FOXP2: variants seen among roughly 807,000 people sequenced by gnomAD.
The protein encoded by FOXP2 is forkhead box protein P2.
Under a neutral mutation model 115.8 loss-of-function variants are expected in FOXP2, and 12 were observed. That is an observed-to-expected ratio of 0.10 (90% confidence interval 0.07 to 0.17). The LOEUF is 0.17. FOXP2 is among the 10% of genes least tolerant of loss of function. The pLI, the probability that FOXP2 is intolerant of heterozygous loss-of-function variation, is 1.00. For synonymous variants in FOXP2, 328 were observed against 297.7 expected (o/e 1.10, Z -1.05); for missense variants, 629 against 843.5 (o/e 0.75, Z 3.15).
chr7:114,198,064 A>G (rs1313530617), intron 1 of FOXP2, among the ~76,000 whole-genome samples: 3 of 151,914 alleles, frequency 2.0e-5, no homozygotes, highest in African/African-American at 7.3e-5. Flanking sequence ...GGGGTTCTCC[A>G]TGTTACCTAG....
Position 114,593,867 on chromosome 7 carries a change from C to T in FOXP2, c.259-34673C>T, listed in dbSNP as rs140876038. ...ATATATGATGCTAAAAATGTATAGA[C>T]GCTAAATAAATATTTATTAGTTGAT... On this transcript the variant is annotated intron_variant, in intron 3 of 16. Transcript: ENST00000350908. Among the ~76,000 whole-genome samples the T allele has an allele frequency of 6.7e-3, 1,021 of 151,890 alleles. 9 individuals are homozygous for T. The highest frequency in any genetic ancestry group is 0.024 in the Middle Eastern group (7 of 294).
chr7:114,318,358 C>T (rs1400750659), intron 2 of FOXP2, among the ~76,000 whole-genome samples: 3 of 142,224 alleles, frequency 2.1e-5, no homozygotes, highest in African/African-American at 7.7e-5. Context: ...ATGTTTTCTA[C>T]TTAGCATGAT....
chr7:114,636,302 A>G (rs1805213941), intron 6 of FOXP2, among the ~76,000 whole-genome samples: 1 of 152,172 alleles, frequency 6.6e-6, no homozygotes, highest in Non-Finnish European at 1.5e-5. Flanking sequence ...CCATGTATGT[A>G]TACCAGTTTT....
intron 8 of FOXP2, among the ~76,000 whole-genome samples, chr7:114,648,264 A>C (rs1806032386): frequency 6.6e-6 from 1 of 152,070 alleles, no homozygotes; most frequent in South Asian, 2.1e-4. Context: ...TTTTGGTGAC[A>C]GTGCCCCCCC....
intron 2 of FOXP2, among the ~76,000 whole-genome samples, chr7:114,442,260 G>T (rs181887665): frequency 2.6e-4 from 39 of 152,050 alleles, no homozygotes; most frequent in Non-Finnish European, 2.6e-4. Context: ...GAAGCTTTCA[G>T]AAAAGGCAAA....
chr7:114,435,836 GC>G (rs1794320101), intron 2 of FOXP2, among the ~76,000 whole-genome samples: 1 of 152,190 alleles, frequency 6.6e-6, no homozygotes, highest in African/African-American at 2.4e-5. Context: ...ATTGTGCCCG[GC>G]TGTCAGAAGT....
At position 114,659,364 on chromosome 7, in the gene FOXP2, C is replaced by T; in HGVS notation, c.1477C>T (p.Pro493Ser). 6.2e-7 allele frequency: 1 copy of T among 1,609,980 alleles called. No individual in the cohort carries two copies. The highest frequency in any genetic ancestry group is 8.5e-7 in the Non-Finnish European group (1 of 1,177,060). The change falls in exon 12 of 17, where the codon CCA becomes TCA. Residue 493 changes from proline (P) to serine (S), a missense_variant. Coordinates refer to ENST00000350908, the MANE Select transcript of FOXP2 (RefSeq NM_014491.4). ...AGTTTTTATTTTTATAGAAATTGCC[C>T]CAAACTATGAATTTTATAAAAATGC... is the stretch of plus-strand genomic sequence containing the variant. ...YNIPMSSEIA[P>S]NYEFYKNADV... is the part of the protein sequence containing the mutation.
At chr7:114,593,497 C>T (rs936743015) in intron 3 of FOXP2, among the ~76,000 whole-genome samples, 3 of 152,024 alleles carry the variant, frequency 2.0e-5, no homozygotes, top group Admixed American at 6.6e-5. Context: ...TTTCTATCAA[C>T]GCTTATATGA....
At chr7:114,406,396 G>C (rs529625932) in intron 2 of FOXP2, among the ~76,000 whole-genome samples, 39 of 151,750 alleles carry the variant, frequency 2.6e-4, no homozygotes, top group Non-Finnish European at 2.7e-4. Flanking sequence ...TACAAGTTTC[G>C]TATTTGTTGT....
intron 2 of FOXP2, among the ~76,000 whole-genome samples, chr7:114,492,552 T>G (rs1054917381): frequency 3.3e-5 from 5 of 152,060 alleles, no homozygotes; most frequent in African/African-American, 9.7e-5. Context: ...GGCATTTAGT[T>G]CTATAAATTT....
intron 2 of FOXP2, among the ~76,000 whole-genome samples, chr7:114,334,475 T>C (rs551154826): frequency 3.9e-5 from 6 of 152,156 alleles, no homozygotes; most frequent in Admixed American, 2.6e-4. Flanking sequence ...ATTTAAGCAT[T>C]ATTATTATGG....
chr7:114,322,628 G>A (rs1002716369), intron 2 of FOXP2, among the ~76,000 whole-genome samples: 6 of 152,058 alleles, frequency 3.9e-5, no homozygotes, highest in Non-Finnish European at 8.8e-5. Context: ...CTGAGACAGA[G>A]AGGTTAAGTA....
intron 1 of FOXP2, among the ~76,000 whole-genome samples, chr7:114,198,378 G>A (rs1793968502): frequency 2.0e-5 from 3 of 152,090 alleles, no homozygotes; most frequent in Non-Finnish European, 2.9e-5. Flanking sequence ...AACATTTTTG[G>A]CACCAGATTC....
At chr7:114,442,072 T>C (rs139362707) in intron 2 of FOXP2, among the ~76,000 whole-genome samples, 1 of 152,290 alleles carries the variant, frequency 6.6e-6, no homozygotes, top group East Asian at 1.9e-4. Flanking sequence ...GCATTACTTA[T>C]AATAGCAAAA....
chr7:114,657,649 C>A (rs1240186050), intron 10 of FOXP2, among the ~76,000 whole-genome samples: 2 of 152,158 alleles, frequency 1.3e-5, no homozygotes, highest in African/African-American at 4.8e-5. Flanking sequence ...AAAATTCTGG[C>A]ATCAACAGAA....
chr7:114,154,484 A>G (rs1342702516), intron 1 of FOXP2, among the ~76,000 whole-genome samples: 1 of 152,082 alleles, frequency 6.6e-6, no homozygotes, highest in African/African-American at 2.4e-5. Flanking sequence ...TGATGCTGAT[A>G]CTTGTTGTGC....
chr7:114,344,936 T>G (rs1004276139), intron 2 of FOXP2, among the ~76,000 whole-genome samples: 1 of 151,742 alleles, frequency 6.6e-6, no homozygotes, highest in East Asian at 1.9e-4. Flanking sequence ...ACCATTTCCC[T>G]TTTCATTTTA....
intron 1 of FOXP2, among the ~76,000 whole-genome samples, chr7:114,248,121 A>G (rs1018782281): frequency 2.0e-5 from 3 of 151,668 alleles, no homozygotes; most frequent in African/African-American, 4.8e-5. Flanking sequence ...ATAGTCTCCA[A>G]TGGTATAAGT....
intron 2 of FOXP2, among the ~76,000 whole-genome samples, chr7:114,337,430 T>C (rs1252763929): frequency 1.3e-5 from 2 of 151,268 alleles, no homozygotes. Context: ...TATTTTTACA[T>C]ATTCTAATAA....
Sources: allele counts gnomAD v4.1 joint callset (sites outside exome capture counted in the v4.1 genomes callset), GRCh38; gene constraint gnomAD v4.1.1; transcripts MANE v1.5; gene names NCBI Gene and HGNC (gene_info 2026-07-23, HGNC 2026-07-21).